Variants in CSMD1 observed in about 807,000 individuals in gnomAD.
CSMD1 encodes the protein CUB and sushi domain-containing protein 1.
In CSMD1, 213 loss-of-function variants were observed where a neutral mutation model predicts 417.5. The ratio of observed to expected loss-of-function variants is 0.51; its 90% CI spans 0.46 to 0.57. The LOEUF (loss-of-function observed/expected upper bound fraction) is 0.57. Ranked by LOEUF, CSMD1 falls within the 20% of genes least tolerant of loss-of-function variation. The probability of loss-of-function intolerance (pLI) is 0.00; values close to 1 mark genes in which losing one functional copy is unlikely to be tolerated. For synonymous variants in CSMD1, 2,862 were observed against 1,736.8 expected, an observed-to-expected ratio of 1.65 and a Z score of -16.11; for missense variants, 6,923 against 4,529.7, an observed-to-expected ratio of 1.53 and a Z score of -15.17.
intron 10 of CSMD1, among the ~76,000 whole-genome samples, chr8:3,541,512 A>G (rs1394493467): frequency 6.6e-6 from 1 of 151,956 alleles, no homozygotes. Flanking sequence ...CCTCCTGCAC[A>G]TCTATTCTGG....
chr8:4,075,282 T>G (rs1380418930), intron 3 of CSMD1, among the ~76,000 whole-genome samples: 2 of 152,140 alleles, frequency 1.3e-5, no homozygotes, highest in African/African-American at 4.8e-5. Context: ...AAAGATGAAT[T>G]GTTGATATAT....
At chr8:3,620,461 T>A (rs1802369654) in intron 7 of CSMD1, among the ~76,000 whole-genome samples, 1 of 152,170 alleles carries the variant, frequency 6.6e-6, no homozygotes, top group South Asian at 2.1e-4. Flanking sequence ...ATAAAATAAT[T>A]ATGCATTTAC....
chr8:3,408,111 C>G lies in CSMD1; in HGVS notation c.1859G>C (p.Ser620Thr). 6.2e-7 allele frequency: 1 copy of G among 1,613,868 alleles called. No individual in the cohort carries two copies. The change falls in exon 14 of 70, where the codon AGT (serine) becomes ACT (threonine). Residue 620 changes from serine to threonine, a missense_variant. Ser to Thr is a moderately conservative substitution (Grantham distance 58). Transcript: ENST00000635120. Reference protein sequence around the residue: ...CVWLIISEPGSRIHLIFNDFD... With the variant: ...CVWLIISEPGTRIHLIFNDFD... ...ATCATTAAAGATTAGGTGAATTCGA[C>G]TTCCTGGCTCCGAGATAATCAACCA...
chr8:4,705,411 G>T lies in CSMD1; in HGVS notation c.86-67853C>A, dbSNP rs141482431. Among the ~76,000 whole-genome samples, 4 of 152,278 alleles carry T rather than the reference G, an allele frequency of 2.6e-5. No homozygotes were observed. The East Asian group carries it at 7.7e-4, about 29-fold the overall frequency. ...TCAAGAACATGCATAGTCATCCAAA[G>T]ACACAAAACCCTAATCCCCAGTCGC... On this transcript the variant is annotated intron_variant, in intron 1 of 69. Transcript: ENST00000635120.
chr8:4,706,175 T>C (rs1807928971), intron 1 of CSMD1, among the ~76,000 whole-genome samples: 1 of 151,346 alleles, frequency 6.6e-6, no homozygotes, highest in Non-Finnish European at 1.5e-5. Context: ...TGTACATATA[T>C]ATTTTTTCAA....
At chr8:4,212,748 A>ATTTTTTTTTTTTTTTT (rs1233118651) in intron 3 of CSMD1, among the ~76,000 whole-genome samples, 4 of 101,864 alleles carry the variant, frequency 3.9e-5, no homozygotes, top group African/African-American at 2.1e-4. Context: ...CAGCGGCCTT[A>ATTTTTTTTTTTTTTTT]TTCTTTTTTT....
chr8:4,541,837 A>G (rs1268706125), intron 2 of CSMD1, among the ~76,000 whole-genome samples: 2 of 152,162 alleles, frequency 1.3e-5, no homozygotes, highest in East Asian at 1.9e-4. Flanking sequence ...AATCCTGACA[A>G]AACTGTACAG....
chr8:4,385,250 G>A (rs1006256093), intron 3 of CSMD1, among the ~76,000 whole-genome samples: 4 of 152,126 alleles, frequency 2.6e-5, no homozygotes, highest in African/African-American at 7.2e-5. Flanking sequence ...TTCTTAAATA[G>A]GTGTTTGATG....
At chr8:4,208,564 C>A (rs1446734922) in intron 3 of CSMD1, among the ~76,000 whole-genome samples, 1 of 152,160 alleles carries the variant, frequency 6.6e-6, no homozygotes, top group Admixed American at 6.5e-5. Context: ...ATTGACTTGA[C>A]TCATTCTATT....
chr8:3,748,649 C>G (rs561045646), intron 6 of CSMD1, among the ~76,000 whole-genome samples: 222 of 152,306 alleles, frequency 1.5e-3, no homozygotes, highest in African/African-American at 5.1e-3. Flanking sequence ...CATTTCAAAT[C>G]TCAGAAAATG....
At chr8:4,792,535 C>T (rs544132660) in intron 1 of CSMD1, among the ~76,000 whole-genome samples, 13 of 152,204 alleles carry the variant, frequency 8.5e-5, no homozygotes, top group South Asian at 2.1e-4. Context: ...TGGGTGATCA[C>T]GCACCCATTC....
chr8:4,491,217 G>C lies in CSMD1; in HGVS notation c.303-71152C>G, dbSNP rs138118864. Reference sequence around the variant, plus strand: ...CTTAAAATACAAGTTAAAATAAATAGATACAACTTCAATACTAAAAAGAAG... The same window carrying C: ...CTTAAAATACAAGTTAAAATAAATACATACAACTTCAATACTAAAAAGAAG... On this transcript the variant is annotated intron_variant, in intron 2 of 69. Coordinates refer to ENST00000635120, the MANE Select transcript of CSMD1 (RefSeq NM_033225.6). Among the ~76,000 whole-genome samples, 214 of 152,178 alleles carry C rather than the reference G, an allele frequency of 1.4e-3. 3 individuals are homozygous for C. Among genetic ancestry groups the C allele is most frequent in the African/African-American group, 4.9e-3 (205 of 41,518 alleles).
intron 49 of CSMD1, among the ~76,000 whole-genome samples, chr8:3,063,147 G>A (rs1812694500): frequency 1.3e-5 from 2 of 152,104 alleles, no homozygotes; most frequent in Admixed American, 1.3e-4. Flanking sequence ...GCTCTTTGTG[G>A]CCGATTTCAA....
intron 29 of CSMD1, among the ~76,000 whole-genome samples, chr8:3,215,333 A>G (rs1474106305): frequency 6.6e-6 from 1 of 152,248 alleles, no homozygotes; most frequent in Admixed American, 6.5e-5. Context: ...ATGGTCAAAC[A>G]TTGTGCACTG....
intron 3 of CSMD1, among the ~76,000 whole-genome samples, chr8:4,077,301 A>ATATATATATGTATATATATATATATATG (rs1563092807): frequency 1.4e-5 from 1 of 73,538 alleles, no homozygotes; most frequent in African/African-American, 3.6e-5. Flanking sequence ...ATATGTGTAT[A>ATATATATATGTATATATATATATATATG]TATATATATA....
intron 10 of CSMD1, among the ~76,000 whole-genome samples, chr8:3,541,598 C>G (rs1351138559): frequency 6.8e-6 from 1 of 146,414 alleles, no homozygotes; most frequent in Non-Finnish European, 1.5e-5. Context: ...AAATAAAATA[C>G]TCTAAAAATG....
At chr8:3,841,305 T>C (rs1803117483) in intron 5 of CSMD1, among the ~76,000 whole-genome samples, 1 of 152,182 alleles carries the variant, frequency 6.6e-6, no homozygotes, top group African/African-American at 2.4e-5. Flanking sequence ...AAAAAATGCA[T>C]AGATTGGCAA....
intron 6 of CSMD1, among the ~76,000 whole-genome samples, chr8:3,733,481 G>T (rs1284445296): frequency 2.0e-5 from 3 of 151,602 alleles, no homozygotes; most frequent in African/African-American, 7.3e-5. Flanking sequence ...GCTTTCAACG[G>T]TTTCAGTTAC....
chr8:3,065,299 A>G (rs35495391), intron 49 of CSMD1, among the ~76,000 whole-genome samples: 30,047 of 113,252 alleles, frequency 0.27, 3,381 homozygotes, highest in Non-Finnish European at 0.33. Context: ...AGATAGATAG[A>G]TAGGTAGATA....
Sources: allele counts gnomAD v4.1 joint callset (sites outside exome capture counted in the v4.1 genomes callset), GRCh38; gene constraint gnomAD v4.1.1; transcripts MANE v1.5; gene names NCBI Gene and HGNC (gene_info 2026-07-23, HGNC 2026-07-21).